Variants in SLC14A2 observed in about 807,000 individuals in gnomAD.
The protein encoded by SLC14A2 is urea transporter 2.
A neutral mutation model predicts 104.6 loss-of-function variants in SLC14A2; 91 were observed. The ratio of observed to expected loss-of-function variants is 0.87; its 90% CI spans 0.73 to 1.04. The LOEUF is 1.04. SLC14A2 is among the 50% of genes least tolerant of loss of function. The pLI is 0.00. For missense variants in SLC14A2, 1,189 were observed against 1,156.0 expected, an observed-to-expected ratio of 1.03 and a Z score of -0.41; for synonymous variants, 476 against 466.4, an observed-to-expected ratio of 1.02 and a Z score of -0.27.
intron 1 of SLC14A2, among the ~76,000 whole-genome samples, chr18:45,616,424 C>T (rs2045073339): frequency 6.6e-6 from 1 of 152,184 alleles, no homozygotes; most frequent in South Asian, 2.1e-4. Flanking sequence ...TCTCAGTGCC[C>T]TGGGCATTGA....
At chr18:45,260,562 G>A (rs1259535603) in intron 1 of SLC14A2, among the ~76,000 whole-genome samples, 1 of 152,052 alleles carries the variant, frequency 6.6e-6, no homozygotes, top group African/African-American at 2.4e-5. Context: ...ATCAACCTAG[G>A]TGCTCATCAA....
the SLC14A2 span, among the ~76,000 whole-genome samples, chr18:45,205,841 T>G: frequency 0.15 from 22,932 of 152,238 alleles, 1,870 homozygotes; most frequent in Middle Eastern, 0.22. Context: ...TGAATCCCTG[T>G]GATTTCAACA....
intron 2 of SLC14A2, among the ~76,000 whole-genome samples, chr18:45,587,858 A>G (rs1237106649): frequency 6.6e-6 from 1 of 152,196 alleles, no homozygotes; most frequent in East Asian, 1.9e-4. Context: ...CGCAGAGGGC[A>G]CAAACCTCTT....
At chr18:45,293,666 C>A (rs551915212) in intron 1 of SLC14A2, among the ~76,000 whole-genome samples, 1 of 152,308 alleles carries the variant, frequency 6.6e-6, no homozygotes, top group Non-Finnish European at 1.5e-5. Context: ...CAAGTTTGAT[C>A]TTTAAAGCGG....
chr18:45,180,069 A>G, the SLC14A2 span: 1 of 152,346 alleles, frequency 6.6e-6, no homozygotes, highest in Non-Finnish European at 1.5e-5. Context: ...GAATAGCTTG[A>G]GTCTGGGAGG....
chr18:45,614,570 C>A (rs2045028022), upstream of SLC14A2, among the ~76,000 whole-genome samples: 1 of 152,212 alleles, frequency 6.6e-6, no homozygotes, highest in African/African-American at 2.4e-5. Context: ...GCAGAGCTGC[C>A]TGAGTCTGTG....
the SLC14A2 span, among the ~76,000 whole-genome samples, chr18:45,207,371 AGAAG>A: frequency 6.9e-6 from 1 of 145,884 alleles, no homozygotes; most frequent in African/African-American, 2.5e-5. Flanking sequence ...GGAGGGGAAA[AGAAG>A]GAAGGAAGGA....
At chr18:45,373,473 C>T (rs1258994526) in intron 1 of SLC14A2, among the ~76,000 whole-genome samples, 1 of 152,170 alleles carries the variant, frequency 6.6e-6, no homozygotes, top group African/African-American at 2.4e-5. Flanking sequence ...TCCTACAGCC[C>T]TCCCTCATTT....
chr18:45,577,161 G>GAATTAGCTAACCCCGGGAGGGTT (rs148209381), intron 2 of SLC14A2, among the ~76,000 whole-genome samples: 1 of 151,484 alleles, frequency 6.6e-6, no homozygotes, highest in African/African-American at 2.4e-5. Context: ...TTATCTCTAG[G>GAATTAGCTAACCCCGGGAGGGTT]AATTAGCTAA....
intron 9 of SLC14A2, 106 bp from the exon 10 acceptor site, chr18:45,643,880 G>A: frequency 1.1e-6 from 1 of 947,594 alleles, no homozygotes; most frequent in South Asian, 1.6e-5. Flanking sequence ...TTCACTGGAG[G>A]GAGGATCTCC....
At chr18:45,217,240 T>A (rs892203163) in intron 1 of SLC14A2, among the ~76,000 whole-genome samples, 2 of 148,546 alleles carry the variant, frequency 1.3e-5, no homozygotes, top group South Asian at 4.2e-4. Flanking sequence ...ATAAGCCAAG[T>A]TATATATCTA....
chr18:45,650,284 CTT>C (rs796302379), intron 10 of SLC14A2, among the ~76,000 whole-genome samples: 2 of 151,996 alleles, frequency 1.3e-5, no homozygotes, highest in African/African-American at 4.8e-5. Flanking sequence ...TTCAGAAAAT[CTT>C]TGAGAGCTAA....
chr18:45,317,017 A>T (rs547191019), intron 1 of SLC14A2, among the ~76,000 whole-genome samples: 1 of 152,346 alleles, frequency 6.6e-6, no homozygotes, highest in Non-Finnish European at 1.5e-5. Context: ...GAAAACTGAG[A>T]CACAGAAAAA....
chr18:45,539,915 A>T (rs2084248929), intron 2 of SLC14A2, among the ~76,000 whole-genome samples: 1 of 152,152 alleles, frequency 6.6e-6, no homozygotes. Flanking sequence ...AAAATTTAAA[A>T]AAAACAGTAA....
At chr18:45,309,960 A>T (rs963010058) in intron 1 of SLC14A2, among the ~76,000 whole-genome samples, 1 of 151,244 alleles carries the variant, frequency 6.6e-6, no homozygotes, top group Non-Finnish European at 1.5e-5. Flanking sequence ...ATTAAATTTC[A>T]TAGCTGTCTA....
intron 1 of SLC14A2, among the ~76,000 whole-genome samples, chr18:45,247,536 T>C (rs1485675728): frequency 6.6e-6 from 1 of 152,152 alleles, no homozygotes; most frequent in African/African-American, 2.4e-5. Context: ...GATAAACATA[T>C]ATAACTCTGT....
the SLC14A2 span, among the ~76,000 whole-genome samples, chr18:45,195,808 G>T: frequency 6.6e-6 from 1 of 152,080 alleles, no homozygotes; most frequent in South Asian, 2.1e-4. Context: ...GCGTAGGATT[G>T]GATAGGATAG....
intron 1 of SLC14A2, among the ~76,000 whole-genome samples, chr18:45,312,834 C>T (rs1299017094): frequency 2.0e-5 from 3 of 152,208 alleles, no homozygotes. Flanking sequence ...CCTCACCCCA[C>T]CCCCTCCCCA....
chr18:45,487,844 G>A (rs537426712), intron 2 of SLC14A2, among the ~76,000 whole-genome samples: 10 of 152,208 alleles, frequency 6.6e-5, no homozygotes, highest in South Asian at 6.2e-4. Flanking sequence ...CACAGGATAC[G>A]GGCTGCCCTG....
Sources: gnomAD v4.1 joint callset for allele counts (sites outside exome capture counted in the v4.1 genomes callset) on GRCh38, gnomAD v4.1.1 for gene constraint, MANE v1.5 for transcripts, NCBI Gene and HGNC (gene_info 2026-07-23, HGNC 2026-07-21) for gene names.